TLE3: variants seen among roughly 807,000 people sequenced by gnomAD.
TLE3 encodes TLE family member 3, transcriptional corepressor, also known as transducin-like enhancer protein 3.
TLE3 carries 14 observed loss-of-function variants against 93.0 expected under a neutral mutation model. The ratio of observed to expected loss-of-function variants is 0.15; its 90% CI spans 0.10 to 0.24. The LOEUF is 0.24. Among genes scored for constraint, TLE3 ranks in the 10% least tolerant of loss-of-function variants. The pLI is 1.00. For synonymous variants in TLE3, 451 were observed against 425.0 expected, an observed-to-expected ratio of 1.06 and a Z score of -0.75; for missense variants, 693 against 1,046.6, an observed-to-expected ratio of 0.66 and a Z score of 4.66.
At position 70,057,549 on chromosome 15, in the gene TLE3, G is replaced by A. The variant is rs759219650; in HGVS notation, c.1161C>T (p.Ala387=). The A allele has an allele frequency of 3.2e-5, 51 of 1,603,636 alleles. No individual in the cohort carries two copies. The highest frequency in any genetic ancestry group is 1.6e-4 in the Middle Eastern group (1 of 6,066). The change falls in exon 13 of 20, where the codon GCC becomes GCT. Residue 387 remains alanine (A), a synonymous_variant. Transcript: ENST00000451782. ...TCTGGGGTGGGATGTTGTGGAGGCC[G>A]GCGTAGGCGCCAGGACTGGTGAGGG... The part of the protein sequence containing the change: ...NGSLTSPGAY[A]GLHNIPPQMS...
Position 70,097,038 on chromosome 15 carries a change from G to C in TLE3, c.-240C>G. The C allele has an allele frequency of 1.8e-6, 1 of 568,448 alleles. No individual in the cohort carries two copies. 35.2% of individuals were successfully genotyped at this position (568,448 alleles called of 1,614,324 possible). A position where few individuals can be genotyped will look rare whatever the true frequency, so the allele number is the denominator to read the frequency against. On this transcript the variant is annotated 5_prime_UTR_variant, in exon 1 of 20. Coordinates refer to ENST00000451782, the MANE Select transcript of TLE3 (RefSeq NM_001105192.3). Reference sequence around the variant, plus strand: ...GGCGGGCGCCGGGGCCGGGCGGCGGGCGCGGGCTTTGTGCGCCTAGGGCTC... The same window carrying C: ...GGCGGGCGCCGGGGCCGGGCGGCGGCCGCGGGCTTTGTGCGCCTAGGGCTC...
chr15:70,060,798 A>G (rs774718939), intron 8 of TLE3, 149 bp from the exon 9 acceptor site: 1 of 1,388,068 alleles, frequency 7.2e-7, no homozygotes, highest in South Asian at 1.2e-5. Context: ...TGGCTCCATC[A>G]GAGCCTTGCC....
intron 4 of TLE3, among the ~76,000 whole-genome samples, chr15:70,087,301 T>C (rs1011239259): frequency 3.3e-5 from 5 of 152,208 alleles, no homozygotes; most frequent in African/African-American, 1.2e-4. Flanking sequence ...ACAGGTCATC[T>C]TCACACCCCA....
intron 4 of TLE3, among the ~76,000 whole-genome samples, chr15:70,083,219 C>T (rs1215537364): frequency 1.3e-5 from 2 of 151,978 alleles, no homozygotes; most frequent in Non-Finnish European, 2.9e-5. Context: ...GAGGCAGACA[C>T]CACAGGGCCC....
chr15:70,062,086 C>G (rs1388529041), intron 8 of TLE3, among the ~76,000 whole-genome samples: 1 of 152,218 alleles, frequency 6.6e-6, no homozygotes, highest in Non-Finnish European at 1.5e-5. Flanking sequence ...CTTTCCTAAG[C>G]CGGGTTCTGG....
chr15:70,067,365 G>A (rs2056877875), intron 6 of TLE3, among the ~76,000 whole-genome samples: 1 of 152,192 alleles, frequency 6.6e-6, no homozygotes, highest in Admixed American at 6.5e-5. Flanking sequence ...ATGAATGCCT[G>A]GGCACCTTCC....
intron 4 of TLE3, among the ~76,000 whole-genome samples, chr15:70,083,810 A>T (rs1205983899): frequency 6.6e-6 from 1 of 151,948 alleles, no homozygotes; most frequent in Non-Finnish European, 1.5e-5. Flanking sequence ...GCTGGCTAGG[A>T]CTTCTTAAGG....
In TLE3 at chr15:70,060,563, C is replaced by T; in HGVS notation, c.681G>A (p.Arg227=). The part of the protein sequence containing the change: ...SADYSMEAKK[R]KAEEKDSLSR... Reference sequence around the variant, plus strand: ...TCAAGCTGTCCTTCTCCTCCGCCTTCCGCTTCTTGGCTTCCATGCTGTAGT... The same window carrying T: ...TCAAGCTGTCCTTCTCCTCCGCCTTTCGCTTCTTGGCTTCCATGCTGTAGT... Residue 227 remains arginine (R), a synonymous_variant, in exon 9 of 20, where the codon CGG becomes CGA. Transcript: ENST00000451782. 1 of 1,614,020 alleles carries T rather than the reference C, an allele frequency of 6.2e-7. No homozygotes were observed. Among genetic ancestry groups the T allele is most frequent in the Non-Finnish European group, 8.5e-7 (1 of 1,179,890 alleles).
intron 4 of TLE3, among the ~76,000 whole-genome samples, chr15:70,077,044 T>C (rs940569797): frequency 6.6e-6 from 1 of 152,148 alleles, no homozygotes; most frequent in Non-Finnish European, 1.5e-5. Context: ...GGATATAGCA[T>C]TGCCTTGTCT....
chr15:70,059,979 G>T (rs751306783), intron 9 of TLE3, among the ~76,000 whole-genome samples: 2 of 152,166 alleles, frequency 1.3e-5, no homozygotes, highest in Non-Finnish European at 2.9e-5. Context: ...GTGCAAGACC[G>T]CTGAGGCCCT....
intron 4 of TLE3, among the ~76,000 whole-genome samples, chr15:70,085,256 A>C (rs895802614): frequency 6.6e-6 from 1 of 152,208 alleles, no homozygotes; most frequent in Non-Finnish European, 1.5e-5. Flanking sequence ...TGGGACTCAA[A>C]CCCACATTTG....
At chr15:70,092,614 C>T (rs2058358466) in intron 4 of TLE3, among the ~76,000 whole-genome samples, 1 of 152,196 alleles carries the variant, frequency 6.6e-6, no homozygotes, top group South Asian at 2.1e-4. Context: ...AAACCCCAGG[C>T]ATTCTCCCCT....
intron 17 of TLE3, chr15:70,052,937 T>C: frequency 2.4e-6 from 1 of 419,442 alleles, no homozygotes; most frequent in Non-Finnish European, 4.3e-6. Context: ...AGGAGGGTGC[T>C]ACTATTATTT....
chr15:70,054,804 C>T, intron 15 of TLE3, 119 bp from the exon 16 acceptor site: 1 of 1,359,268 alleles, frequency 7.4e-7, no homozygotes, highest in Non-Finnish European at 9.8e-7. Context: ...CCCCTATACC[C>T]AGCAGCTGCC....
chr15:70,065,465 C>CTT, intron 7 of TLE3, among the ~76,000 whole-genome samples: 1 of 152,216 alleles, frequency 6.6e-6, no homozygotes, highest in Non-Finnish European at 1.5e-5. Flanking sequence ...GCTAACAAAC[C>CTT]TTTACCTGAG....
chr15:70,074,372 C>T, intron 6 of TLE3, 161 bp downstream of exon 6: 1 of 802,440 alleles, frequency 1.2e-6, no homozygotes, highest in Non-Finnish European at 1.9e-6. Context: ...GGGAAACAGC[C>T]CTACATGGGT....
At chr15:70,063,097 C>A (rs988397191) in intron 8 of TLE3, among the ~76,000 whole-genome samples, 22 of 152,166 alleles carry the variant, frequency 1.4e-4, no homozygotes, top group African/African-American at 2.9e-4. Context: ...TAATCTGGAT[C>A]CTCAGTCAGG....
chr15:70,096,190 T>G lies in TLE3; in HGVS notation c.96A>C (p.Glu32Asp). ...GATACTGAGCTTGCAGGAACTGGAATTCGTCTTTGATCCTGTCACAAGACT... is the reference window on the plus strand; with the variant it reads ...GATACTGAGCTTGCAGGAACTGGAAGTCGTCTTTGATCCTGTCACAAGACT... Reference protein sequence around the residue: ...VAESCDRIKDEFQFLQAQYHS... With the variant: ...VAESCDRIKDDFQFLQAQYHS... Residue 32 changes from glutamate to aspartate, a missense_variant, in exon 2 of 20, where the codon GAA becomes GAC. Glu to Asp is a conservative substitution (Grantham distance 45, BLOSUM62 2). This residue lies in a region of TLE3 where 104 missense variants were observed against 173.8 expected (regional missense o/e 0.60). Transcript: ENST00000451782. 6.4e-7 allele frequency: 1 copy of G among 1,560,458 alleles called. No homozygotes were observed.
chr15:70,061,000 G>A (rs1160651812), intron 8 of TLE3, among the ~76,000 whole-genome samples: 1 of 152,158 alleles, frequency 6.6e-6, no homozygotes, highest in Admixed American at 6.5e-5. Context: ...CCCATCTCGC[G>A]CTTGCCACAC....
Sources: gnomAD v4.1 joint callset for allele counts (sites outside exome capture counted in the v4.1 genomes callset) on GRCh38, gnomAD v4.1.1 for gene constraint, gnomAD v4.1.1 regional missense constraint, MANE v1.5 for transcripts, NCBI Gene and HGNC (gene_info 2026-07-23, HGNC 2026-07-21) for gene names.